PARD3: variants seen among roughly 807,000 people sequenced by gnomAD.
PARD3 encodes par-3 family cell polarity regulator.
A neutral mutation model predicts 155.4 loss-of-function variants in PARD3; 75 were observed. That is an observed-to-expected ratio of 0.48 (90% CI 0.40 to 0.58). PARD3 has a LOEUF of 0.58. PARD3 is among the 20% of genes least tolerant of loss of function. The probability of loss-of-function intolerance (pLI) is 0.00; values close to 1 mark genes in which losing one functional copy is unlikely to be tolerated. For missense variants in PARD3, 1,642 were observed against 1,721.7 expected, an observed-to-expected ratio of 0.95 and a Z score of 0.82; for synonymous variants, 576 against 610.5, an observed-to-expected ratio of 0.94 and a Z score of 0.83.
chr10:34,522,554 C>T (rs941943175), intron 2 of PARD3, among the ~76,000 whole-genome samples: 1 of 152,018 alleles, frequency 6.6e-6, no homozygotes, highest in Admixed American at 6.6e-5. Flanking sequence ...ATGATAAATA[C>T]GTTCTACTTT....
At chr10:34,275,982 CCCAGCAAAAGACATAAA>C (rs1955857696) in intron 21 of PARD3, among the ~76,000 whole-genome samples, 1 of 152,070 alleles carries the variant, frequency 6.6e-6, no homozygotes, top group Non-Finnish European at 1.5e-5. Context: ...TAGTCCAAAA[CCCAGCAAAAGACATAAA>C]TGTCTATTGC....
chr10:34,590,259 G>T (rs543643480), intron 2 of PARD3, among the ~76,000 whole-genome samples: 1 of 152,136 alleles, frequency 6.6e-6, no homozygotes, highest in African/African-American at 2.4e-5. Flanking sequence ...ATGCCCTGCC[G>T]GCCAGCCCAC....
chr10:34,268,220 C>G (rs1955427201), intron 22 of PARD3, among the ~76,000 whole-genome samples: 1 of 151,932 alleles, frequency 6.6e-6, no homozygotes, highest in African/African-American at 2.4e-5. Context: ...AAATCAAAAC[C>G]ATAATGAGAT....
At chr10:34,740,671 C>T (rs2094993042) in intron 1 of PARD3, among the ~76,000 whole-genome samples, 1 of 152,012 alleles carries the variant, frequency 6.6e-6, no homozygotes, top group African/African-American at 2.4e-5. Context: ...CTCTCACCAG[C>T]CTCTTCTATA....
At chr10:34,235,485 T>C (rs1166764650) in intron 22 of PARD3, among the ~76,000 whole-genome samples, 1 of 152,230 alleles carries the variant, frequency 6.6e-6, no homozygotes, top group African/African-American at 2.4e-5. Flanking sequence ...ATAGATATTT[T>C]TGTGATGGAT....
At chr10:34,274,579 ATATCCAGGGTAAC>A (rs1387694901) in intron 21 of PARD3, among the ~76,000 whole-genome samples, 1 of 152,184 alleles carries the variant, frequency 6.6e-6, no homozygotes, top group African/African-American at 2.4e-5. Flanking sequence ...ATCATAGGTA[ATATCCAGGGTAAC>A]TAGGCATTCA....
intron 7 of PARD3, among the ~76,000 whole-genome samples, chr10:34,391,043 T>A (rs1475109854): frequency 6.6e-6 from 1 of 152,154 alleles, no homozygotes; most frequent in Non-Finnish European, 1.5e-5. Context: ...AGGACAGAAT[T>A]TATTTTAAAA....
At chr10:34,181,792 A>C (rs1347854178) in intron 22 of PARD3, among the ~76,000 whole-genome samples, 1 of 152,006 alleles carries the variant, frequency 6.6e-6, no homozygotes, top group Non-Finnish European at 1.5e-5. Context: ...CCTCTATGCA[A>C]ATGACTCTCT....
At chr10:34,332,266 C>T (rs1215155840) in intron 18 of PARD3, among the ~76,000 whole-genome samples, 4 of 152,074 alleles carry the variant, frequency 2.6e-5, no homozygotes, top group Non-Finnish European at 5.9e-5. Context: ...TTTCTTTAAC[C>T]AGGTAAGACA....
At chr10:34,684,754 A>G (rs974958162) in intron 2 of PARD3, among the ~76,000 whole-genome samples, 9 of 150,494 alleles carry the variant, frequency 6.0e-5, no homozygotes, top group Non-Finnish European at 1.2e-4. Flanking sequence ...TTACATGTCT[A>G]TAAGACTTTG....
chr10:34,158,284 C>A (rs1456015014), intron 22 of PARD3, among the ~76,000 whole-genome samples: 1 of 152,160 alleles, frequency 6.6e-6, no homozygotes, highest in Non-Finnish European at 1.5e-5. Flanking sequence ...GTCACCAAGA[C>A]CCATGAGGTA....
In PARD3 at chr10:34,346,224, T is replaced by G. The variant is rs994908445; in HGVS notation, c.2218+1741A>C. 9 of 1,151,660 alleles carry G rather than the reference T, an allele frequency of 7.8e-6. No individual in the cohort carries two copies. In the African/African-American group the frequency reaches 1.5e-4, roughly 19 times the overall value. 71.3% of individuals were successfully genotyped at this position (1,151,660 alleles called of 1,614,324 possible). ...GCAAACCGAAGAGGACTAATGAAGC[T>G]GTAGCTAACAAAATCGGGGCAACAG... On this transcript the variant is annotated intron_variant, in intron 15 of 24. Transcript: ENST00000374788.
intron 1 of PARD3, among the ~76,000 whole-genome samples, chr10:34,716,498 C>CA (rs1307327652): frequency 6.7e-6 from 1 of 149,234 alleles, no homozygotes; most frequent in African/African-American, 2.5e-5. Context: ...GAGGAGGGGA[C>CA]AAAAGAGCAG....
intron 5 of PARD3, among the ~76,000 whole-genome samples, chr10:34,445,760 A>T (rs1490108811): frequency 1.3e-5 from 2 of 151,814 alleles, no homozygotes; most frequent in African/African-American, 4.9e-5. Context: ...TGGGCTACCA[A>T]TCTTTTTCTA....
chr10:34,761,701 G>C (rs1379101013), intron 1 of PARD3, among the ~76,000 whole-genome samples: 3 of 152,108 alleles, frequency 2.0e-5, no homozygotes, highest in African/African-American at 7.2e-5. Context: ...GTTAAGCAAA[G>C]ACAAATGCCT....
At chr10:34,468,555 C>T (rs2078152488) in intron 4 of PARD3, among the ~76,000 whole-genome samples, 2 of 152,170 alleles carry the variant, frequency 1.3e-5, no homozygotes, top group Admixed American at 1.3e-4. Flanking sequence ...TTTGGATAGT[C>T]TACTGCAAGA....
At chr10:34,807,901 AAGAT>A (rs1397304360) in intron 1 of PARD3, among the ~76,000 whole-genome samples, 1 of 152,238 alleles carries the variant, frequency 6.6e-6, no homozygotes, top group Non-Finnish European at 1.5e-5. Context: ...AAACCACGTA[AAGAT>A]AGCAGGCCAG....
intron 1 of PARD3, among the ~76,000 whole-genome samples, chr10:34,787,626 A>G (rs1841136636): frequency 6.6e-6 from 1 of 152,210 alleles, no homozygotes; most frequent in African/African-American, 2.4e-5. Context: ...AGATGGAAGC[A>G]ATCCCTGAAG....
At chr10:34,527,066 C>T (rs74132047) in intron 2 of PARD3, among the ~76,000 whole-genome samples, 2,631 of 152,222 alleles carry the variant, frequency 0.017, 87 homozygotes, top group African/African-American at 0.061. Flanking sequence ...TTCCTTAGTC[C>T]TAAATTTTGC....
Sources: allele counts gnomAD v4.1 joint callset (sites outside exome capture counted in the v4.1 genomes callset), GRCh38; gene constraint gnomAD v4.1.1; transcripts MANE v1.5; gene names NCBI Gene and HGNC (gene_info 2026-07-23, HGNC 2026-07-21).